The following ROBO1 variants were observed in gnomAD, a reference collection of about 807,000 sequenced individuals.
ROBO1 encodes the protein roundabout homolog 1.
A neutral mutation model predicts 195.9 loss-of-function variants in ROBO1; 149 were observed. The ratio of observed to expected loss-of-function variants is 0.76; its 90% confidence interval spans 0.67 to 0.87. ROBO1 has a LOEUF of 0.87. ROBO1 is among the 40% of genes least tolerant of loss of function. The probability of loss-of-function intolerance (pLI) is 0.00; values close to 1 mark genes in which losing one functional copy is unlikely to be tolerated. For missense variants in ROBO1, 1,933 were observed against 2,068.3 expected, an observed-to-expected ratio of 0.93 and a Z score of 1.27; for synonymous variants, 816 against 733.2, an observed-to-expected ratio of 1.11 and a Z score of -1.82.
At chr3:79,747,641 C>G (rs11920213) in intron 1 of ROBO1, among the ~76,000 whole-genome samples, 113,867 of 151,862 alleles carry the variant, frequency 0.75, 43,423 homozygotes, top group Middle Eastern at 0.84. Context: ...ATAATATTTT[C>G]TATAGTCACA....
intron 23 of ROBO1, 29 bp from the exon 24 acceptor site, chr3:78,634,071 A>G (rs767619040): frequency 6.9e-7 from 1 of 1,443,220 alleles, no homozygotes; most frequent in Non-Finnish European, 9.7e-7. Context: ...AAAACAATAA[A>G]CATTTATTTT....
chr3:79,590,030 A>G, intron 1 of ROBO1, 69 bp from the exon 2 acceptor site: 1 of 639,180 alleles, frequency 1.6e-6, no homozygotes, highest in Non-Finnish European at 2.7e-6. Context: ...TTTGTGAAAC[A>G]TTGCAGTTCA....
At chr3:78,867,489 A>C (rs1404382267) in intron 4 of ROBO1, among the ~76,000 whole-genome samples, 1 of 152,170 alleles carries the variant, frequency 6.6e-6, no homozygotes, top group Non-Finnish European at 1.5e-5. Flanking sequence ...ACACATCTGG[A>C]AATATTCTTA....
At chr3:78,601,597 C>T (rs2107234558) in intron 29 of ROBO1, among the ~76,000 whole-genome samples, 1 of 152,286 alleles carries the variant, frequency 6.6e-6, no homozygotes, top group East Asian at 1.9e-4. Context: ...GATAAAATCT[C>T]TCTCTTACTA....
At chr3:78,902,708 TG>T (rs1318740376) in intron 4 of ROBO1, among the ~76,000 whole-genome samples, 1 of 152,054 alleles carries the variant, frequency 6.6e-6, no homozygotes, top group Non-Finnish European at 1.5e-5. Context: ...ATGGGTGTGG[TG>T]GCAGGCACCT....
chr3:79,051,797 A>C (rs1201149423), intron 3 of ROBO1, among the ~76,000 whole-genome samples: 1 of 152,124 alleles, frequency 6.6e-6, no homozygotes, highest in Non-Finnish European at 1.5e-5. Context: ...GCCTGTCTTT[A>C]CTGCAATCTC....
chr3:79,669,644 G>A (rs1026787999), intron 1 of ROBO1, among the ~76,000 whole-genome samples: 27 of 151,784 alleles, frequency 1.8e-4, no homozygotes, highest in African/African-American at 6.3e-4. Context: ...ATGACAAAAA[G>A]CACTGAAGCT....
At position 78,597,997 on chromosome 3, in the gene ROBO1, A is replaced by C. The variant is rs1702940547; in HGVS notation, c.*916T>G. 1 of 152,540 alleles carries C rather than the reference A, an allele frequency of 6.6e-6. No individual in the cohort carries two copies. The highest frequency in any genetic ancestry group is 1.5e-5 in the Non-Finnish European group (1 of 67,998). The allele number at this position is 152,540 out of a possible 1,614,324, so 9.4% of individuals were successfully genotyped here. A position where few individuals can be genotyped will look rare whatever the true frequency, so the allele number is the denominator to read the frequency against. ...GAGAGATTAAAAACAGTGCATTACA[A>C]AAACAAAAATCAAACTTCCTTAAGT... On this transcript the variant is annotated 3_prime_UTR_variant, in exon 31 of 31. Transcript: ENST00000464233.
rs1453642577 is a variant in ROBO1, at chr3:79,704,518, G to GT, written c.-51+63233dup. Among the ~76,000 whole-genome samples the GT allele has an allele frequency of 1.4e-4, 22 of 151,954 alleles. No individual in the cohort carries two copies. In the East Asian group the frequency reaches 4.3e-3, roughly 29 times the overall value. On this transcript the variant is annotated intron_variant, in intron 1 of 30. Transcript: ENST00000464233. Reference sequence around the variant, plus strand: ...CCTCATGTCTTTTCCTGACTTGGTAGTTTTTTCTTTTAATGCTGCATAGTA... The same window carrying GT: ...CCTCATGTCTTTTCCTGACTTGGTAGTTTTTTTCTTTTAATGCTGCATAGTA...
chr3:78,606,212 ACC>A (rs1345183070), intron 29 of ROBO1, among the ~76,000 whole-genome samples: 1 of 152,036 alleles, frequency 6.6e-6, no homozygotes, highest in African/African-American at 2.4e-5. Flanking sequence ...TTTATTTTTC[ACC>A]CAGGCTACAG....
Position 79,555,225 on chromosome 3 carries a change from A to G in ROBO1, c.88+34599T>C, listed in dbSNP as rs559453537. Among the ~76,000 whole-genome samples the G allele has an allele frequency of 1.9e-4, 29 of 152,244 alleles. No homozygotes were observed. The South Asian group carries it at 5.8e-3, about 30-fold the overall frequency. On this transcript the variant is annotated intron_variant, in intron 2 of 30. Coordinates refer to ENST00000464233, the MANE Select transcript of ROBO1 (RefSeq NM_002941.4). ...TGGACTATATTTGAGATTGCCACTC[A>G]TATTATTTGGTCAAGTCTCAGATTG...
At chr3:79,205,246 G>A (rs147545465) in intron 2 of ROBO1, among the ~76,000 whole-genome samples, 1 of 152,076 alleles carries the variant, frequency 6.6e-6, no homozygotes, top group East Asian at 1.9e-4. Context: ...TGCCTTCCTC[G>A]GCCTCCCAAA....
chr3:79,727,419 T>A (rs1280289995), intron 1 of ROBO1, among the ~76,000 whole-genome samples: 2 of 152,210 alleles, frequency 1.3e-5, no homozygotes, highest in Non-Finnish European at 2.9e-5. Flanking sequence ...TAAACAAGGT[T>A]TTAATTTAAA....
At chr3:78,857,366 A>G (rs757270726) in intron 4 of ROBO1, among the ~76,000 whole-genome samples, 4 of 152,210 alleles carry the variant, frequency 2.6e-5, no homozygotes, top group Non-Finnish European at 5.9e-5. Context: ...AAAATTTTAA[A>G]TGTTTTATGC....
intron 26 of ROBO1, among the ~76,000 whole-genome samples, chr3:78,626,179 T>G (rs1011220031): frequency 6.6e-6 from 1 of 152,176 alleles, no homozygotes; most frequent in Non-Finnish European, 1.5e-5. Flanking sequence ...CTAAATGGTC[T>G]CTTTTAGTCT....
intron 19 of ROBO1, among the ~76,000 whole-genome samples, chr3:78,650,676 G>C (rs1000937430): frequency 4.6e-5 from 7 of 152,202 alleles, no homozygotes; most frequent in Admixed American, 1.3e-4. Context: ...GGTGATGGTA[G>C]GGTAGGAGAC....
At chr3:79,539,547 G>A (rs1395689126) in intron 2 of ROBO1, among the ~76,000 whole-genome samples, 1 of 151,978 alleles carries the variant, frequency 6.6e-6, no homozygotes, top group African/African-American at 2.4e-5. Flanking sequence ...ATGAAGAAAT[G>A]AAAAATTAAA....
At chr3:78,772,636 T>C (rs2083404943) in intron 4 of ROBO1, among the ~76,000 whole-genome samples, 1 of 152,068 alleles carries the variant, frequency 6.6e-6, no homozygotes, top group African/African-American at 2.4e-5. Flanking sequence ...CCTATTTTTT[T>C]CTTAATCTCC....
chr3:78,763,256 T>C (rs1384639285), intron 4 of ROBO1, among the ~76,000 whole-genome samples: 2 of 152,114 alleles, frequency 1.3e-5, no homozygotes, highest in African/African-American at 2.4e-5. Flanking sequence ...AAATTAATAA[T>C]GCATTTCTAG....
Sources: allele counts gnomAD v4.1 joint callset (sites outside exome capture counted in the v4.1 genomes callset), GRCh38; gene constraint gnomAD v4.1.1; transcripts MANE v1.5; gene names NCBI Gene and HGNC (gene_info 2026-07-23, HGNC 2026-07-21).